Variants in HNF4A observed in about 807,000 individuals in gnomAD.
HNF4A encodes hepatocyte nuclear factor 4-alpha.
A neutral mutation model predicts 52.4 loss-of-function variants in HNF4A; 15 were observed. The ratio of observed to expected loss-of-function variants is 0.29; its 90% CI spans 0.19 to 0.44. The LOEUF (loss-of-function observed/expected upper bound fraction) is 0.44. Ranked by LOEUF, HNF4A falls within the 20% of genes least tolerant of loss-of-function variation. The probability of loss-of-function intolerance (pLI) is 1.00; values close to 1 mark genes in which losing one functional copy is unlikely to be tolerated. For synonymous variants in HNF4A, 280 were observed against 264.4 expected (o/e 1.06, Z -0.57); for missense variants, 479 against 647.2 (o/e 0.74, Z 2.82).
intron 4 of HNF4A, 40 bp downstream of exon 4, chr20:44,413,840 C>T (rs1427767733): frequency 2.2e-6 from 3 of 1,374,090 alleles, no homozygotes; most frequent in African/African-American, 2.8e-5. Flanking sequence ...GGATCCCCCA[C>T]ACTACAGAGG....
At chr20:44,370,073 C>A (rs2063016388) in intron 1 of HNF4A, among the ~76,000 whole-genome samples, 1 of 152,136 alleles carries the variant, frequency 6.6e-6, no homozygotes, top group African/African-American at 2.4e-5. Flanking sequence ...TTCACCCAGG[C>A]TGGAGTGCGG....
At chr20:44,424,279 G>A (rs768898137) in intron 8 of HNF4A, 25 bp downstream of exon 8, 6 of 1,612,268 alleles carry the variant, frequency 3.7e-6, no homozygotes, top group African/African-American at 2.7e-5. Context: ...CAGGAGGGGC[G>A]GGGTTGGAGT....
chr20:44,405,367 G>C (rs781766018), intron 1 of HNF4A, among the ~76,000 whole-genome samples: 18 of 152,172 alleles, frequency 1.2e-4, no homozygotes, highest in Non-Finnish European at 2.4e-4. Context: ...AGAAATTGAA[G>C]CAGGGAAAGC....
intron 3 of HNF4A, among the ~76,000 whole-genome samples, chr20:44,411,475 T>C (rs2063581185): frequency 6.9e-6 from 1 of 145,224 alleles, no homozygotes; most frequent in South Asian, 2.4e-4. Context: ...CGCCGGCCAC[T>C]CGGCGCCCTG....
At chr20:44,391,194 C>T (rs1014129420) in intron 1 of HNF4A, among the ~76,000 whole-genome samples, 1 of 152,166 alleles carries the variant, frequency 6.6e-6, no homozygotes, top group Admixed American at 6.5e-5. Flanking sequence ...TCCCTCCCTG[C>T]CTCTCATCCT....
chr20:44,418,274 T>C (rs1329921697), intron 5 of HNF4A, 151 bp from the exon 6 acceptor site: 1 of 752,364 alleles, frequency 1.3e-6, no homozygotes, highest in African/African-American at 1.7e-5. Context: ...TTTCTAGTTT[T>C]ATGGGTAGTA....
At chr20:44,418,383 C>T in intron 5 of HNF4A, 42 bp from the exon 6 acceptor site, 1 of 1,566,866 alleles carries the variant, frequency 6.4e-7, no homozygotes, top group East Asian at 2.2e-5. Context: ...GGCAGCCTTC[C>T]CAAGGGTACA....
chr20:44,428,591 T>C, intron 9 of HNF4A, 104 bp downstream of exon 9: 1 of 1,150,818 alleles, frequency 8.7e-7, no homozygotes, highest in Non-Finnish European at 1.3e-6. Flanking sequence ...ATGCAACAGT[T>C]TTCTGGGTTC....
At chr20:44,374,828 G>T (rs1322916657) in intron 1 of HNF4A, among the ~76,000 whole-genome samples, 1 of 152,190 alleles carries the variant, frequency 6.6e-6, no homozygotes, top group Non-Finnish European at 1.5e-5. Context: ...TTTGGTAGAA[G>T]AATTCATTTT....
At chr20:44,358,202 T>G (rs1443128703) in intron 1 of HNF4A, among the ~76,000 whole-genome samples, 3 of 148,722 alleles carry the variant, frequency 2.0e-5, no homozygotes, top group Non-Finnish European at 4.4e-5. Flanking sequence ...GAGCTTCACA[T>G]GTTTTATCTG....
At chr20:44,394,004 C>A (rs968463923) in intron 1 of HNF4A, among the ~76,000 whole-genome samples, 2 of 152,172 alleles carry the variant, frequency 1.3e-5, no homozygotes, top group Non-Finnish European at 2.9e-5. Flanking sequence ...AGAGACAGGA[C>A]GTGGCTGAGA....
intron 1 of HNF4A, chr20:44,402,591 C>T (rs2063426099): frequency 7.3e-7 from 1 of 1,365,800 alleles, no homozygotes; most frequent in African/African-American, 1.5e-5. Flanking sequence ...TTGAGGCATC[C>T]CCTCCGACAT....
intron 1 of HNF4A, among the ~76,000 whole-genome samples, chr20:44,375,285 A>G (rs138670064): frequency 6.6e-6 from 1 of 151,806 alleles, no homozygotes; most frequent in East Asian, 1.9e-4. Context: ...AGCTCCTTGT[A>G]GAATTGCTAA....
chr20:44,397,127 A>G (rs1361052995), upstream of HNF4A, among the ~76,000 whole-genome samples: 2 of 152,244 alleles, frequency 1.3e-5, no homozygotes, highest in Non-Finnish European at 2.9e-5. Flanking sequence ...ACACCCACTC[A>G]GTCCACAGAA....
chr20:44,355,753 G>A, exon 1 of HNF4A: 3 of 1,567,834 alleles, frequency 1.9e-6, no homozygotes, highest in South Asian at 2.2e-5. Context: ...GCTGCTGTGA[G>A]CGGGCCCCTG....
At chr20:44,414,389 C>A in intron 4 of HNF4A, 118 bp from the exon 5 acceptor site, 1 of 1,427,902 alleles carries the variant, frequency 7.0e-7, no homozygotes, top group Non-Finnish European at 9.8e-7. Flanking sequence ...AGCTGGAGGG[C>A]ACCCACTATC....
intron 1 of HNF4A, among the ~76,000 whole-genome samples, chr20:44,382,271 G>T (rs927939504): frequency 2.7e-5 from 4 of 146,876 alleles, no homozygotes; most frequent in African/African-American, 1.0e-4. Context: ...ACGAACTCTC[G>T]CTCTGCTGCC....
intron 1 of HNF4A, among the ~76,000 whole-genome samples, chr20:44,364,907 G>A (rs761417118): frequency 7.2e-5 from 11 of 152,204 alleles, no homozygotes; most frequent in Non-Finnish European, 1.5e-4. Context: ...AGCCCAGAAA[G>A]ACACTTTCAC....
intron 6 of HNF4A, among the ~76,000 whole-genome samples, chr20:44,419,187 C>T (rs569770121): frequency 3.3e-5 from 5 of 152,222 alleles, no homozygotes; most frequent in East Asian, 1.9e-4. Context: ...TTATTTTAAA[C>T]GCTTGTACAG....
Sources: gnomAD v4.1 joint callset for allele counts (sites outside exome capture counted in the v4.1 genomes callset) on GRCh38, gnomAD v4.1.1 for gene constraint, MANE v1.5 for transcripts, NCBI Gene and HGNC (gene_info 2026-07-23, HGNC 2026-07-21) for gene names.